TAFA4: variants seen among roughly 807,000 people sequenced by gnomAD.
TAFA4 encodes chemokine-like protein TAFA-4.
Under a neutral mutation model 21.1 loss-of-function variants are expected in TAFA4, and 20 were observed. The ratio of observed to expected loss-of-function variants is 0.95; its 90% CI spans 0.67 to 1.38. The LOEUF is 1.38. TAFA4 is among the 40% of genes most tolerant of loss of function. TAFA4 has a pLI of 0.00. For missense variants in TAFA4, 211 were observed against 180.9 expected (o/e 1.17, Z -0.95); for synonymous variants, 71 against 67.4 (o/e 1.05, Z -0.26).
rs887742632 is a variant in TAFA4 at position 68,836,415 on chromosome 3, G to T, written c.130+44315C>A. Among the ~76,000 whole-genome samples, 16 of 152,230 alleles carry T rather than the reference G, an allele frequency of 1.1e-4. 1 individual carries two copies. Among genetic ancestry groups the T allele is most frequent in the Admixed American group, 3.9e-4 (6 of 15,274 alleles). Reference sequence around the variant, plus strand: ...AATGGTACTTATCAAACAGTTAAGTGAACTGCTGACTATGAAGAAGCCTGT... The same window carrying T: ...AATGGTACTTATCAAACAGTTAAGTTAACTGCTGACTATGAAGAAGCCTGT... On this transcript the variant is annotated intron_variant, in intron 3 of 5. Transcript: ENST00000295569.
At chr3:68,742,644 C>A (rs893714374) in intron 4 of TAFA4, among the ~76,000 whole-genome samples, 19 of 152,130 alleles carry the variant, frequency 1.2e-4, no homozygotes, top group African/African-American at 4.6e-4. Context: ...TTGGTGCACC[C>A]CTCACCTATC....
intron 3 of TAFA4, among the ~76,000 whole-genome samples, chr3:68,819,490 C>T (rs915080951): frequency 1.3e-5 from 2 of 152,028 alleles, no homozygotes; most frequent in Admixed American, 1.3e-4. Context: ...GGGTATTTGT[C>T]ATCTATGGCC....
intron 1 of TAFA4, among the ~76,000 whole-genome samples, chr3:68,897,797 C>T (rs1220572757): frequency 1.3e-5 from 2 of 152,134 alleles, no homozygotes; most frequent in Non-Finnish European, 2.9e-5. Flanking sequence ...TCTTCATTGA[C>T]TCCCCTTTTC....
intron 3 of TAFA4, among the ~76,000 whole-genome samples, chr3:68,823,379 A>G (rs911250891): frequency 1.3e-5 from 2 of 152,194 alleles, no homozygotes; most frequent in African/African-American, 4.8e-5. Flanking sequence ...AGATATGTTG[A>G]AGTGTCATTG....
At chr3:68,926,930 A>T (rs1325329484) in intron 1 of TAFA4, among the ~76,000 whole-genome samples, 5 of 152,068 alleles carry the variant, frequency 3.3e-5, no homozygotes, top group East Asian at 1.9e-4. Flanking sequence ...AATAAATAAA[A>T]AATAATAATT....
chr3:68,857,017 G>C (rs1260057864), intron 3 of TAFA4, among the ~76,000 whole-genome samples: 2 of 152,056 alleles, frequency 1.3e-5, no homozygotes, highest in Non-Finnish European at 2.9e-5. Flanking sequence ...GCAGGGTAGA[G>C]GATTTGACCC....
At chr3:68,878,084 T>C (rs781343191) in intron 3 of TAFA4, among the ~76,000 whole-genome samples, 4 of 152,222 alleles carry the variant, frequency 2.6e-5, no homozygotes, top group Non-Finnish European at 5.9e-5. Flanking sequence ...TTTCCTTTCC[T>C]GCCTCATTTC....
intron 1 of TAFA4, among the ~76,000 whole-genome samples, chr3:68,891,891 T>C (rs1200325387): frequency 6.6e-6 from 1 of 152,224 alleles, no homozygotes; most frequent in Non-Finnish European, 1.5e-5. Context: ...CACAATCACA[T>C]TGAATTGTCT....
intron 3 of TAFA4, among the ~76,000 whole-genome samples, chr3:68,771,959 A>C (rs2106783834): frequency 6.6e-6 from 1 of 152,376 alleles, no homozygotes; most frequent in East Asian, 1.9e-4. Context: ...AAGACTCAAA[A>C]GCAAATTGTA....
intron 4 of TAFA4, among the ~76,000 whole-genome samples, chr3:68,751,738 A>G (rs1444792207): frequency 2.6e-5 from 4 of 152,210 alleles, no homozygotes; most frequent in African/African-American, 9.6e-5. Context: ...ATGAATATTC[A>G]TACATTTCAC....
chr3:68,901,470 T>C (rs1400263928), intron 1 of TAFA4, among the ~76,000 whole-genome samples: 1 of 152,166 alleles, frequency 6.6e-6, no homozygotes, highest in Non-Finnish European at 1.5e-5. Flanking sequence ...CTGGGCTTTA[T>C]ACCCAAGCCT....
At chr3:68,930,345 TA>T (rs2090148003) in intron 1 of TAFA4, among the ~76,000 whole-genome samples, 1 of 152,170 alleles carries the variant, frequency 6.6e-6, no homozygotes, top group Non-Finnish European at 1.5e-5. Flanking sequence ...GTAATACAAT[TA>T]AAGTCATTCA....
chr3:68,780,010 T>G (rs1033537164), intron 3 of TAFA4, among the ~76,000 whole-genome samples: 3 of 152,202 alleles, frequency 2.0e-5, no homozygotes, highest in African/African-American at 7.2e-5. Context: ...GCCCACCTCT[T>G]GCATCAGCAT....
chr3:68,869,452 C>T (rs562201697), intron 3 of TAFA4, among the ~76,000 whole-genome samples: 26 of 151,858 alleles, frequency 1.7e-4, no homozygotes, highest in Non-Finnish European at 2.9e-4. Context: ...CAGATGTAAA[C>T]GTCCTCAACA....
intron 3 of TAFA4, among the ~76,000 whole-genome samples, chr3:68,800,455 A>G (rs529943212): frequency 9.2e-5 from 14 of 152,310 alleles, no homozygotes; most frequent in African/African-American, 3.4e-4. Flanking sequence ...TATAAAACAC[A>G]TTTTCTTACA....
At chr3:68,844,246 G>T (rs1271385771) in intron 3 of TAFA4, among the ~76,000 whole-genome samples, 1 of 152,096 alleles carries the variant, frequency 6.6e-6, no homozygotes, top group Non-Finnish European at 1.5e-5. Context: ...TTAGTCTTGG[G>T]AGGGTGTATG....
intron 3 of TAFA4, 103 bp downstream of exon 3, chr3:68,880,627 A>T (rs909609371): frequency 1.0e-5 from 9 of 891,360 alleles, no homozygotes; most frequent in Admixed American, 1.0e-4. Context: ...TTATTTACAC[A>T]CCATCAGAAG....
At chr3:68,869,883 A>T (rs886333241) in intron 3 of TAFA4, among the ~76,000 whole-genome samples, 1 of 152,158 alleles carries the variant, frequency 6.6e-6, no homozygotes, top group African/African-American at 2.4e-5. Flanking sequence ...AGAAAGAAAT[A>T]AAGGGCATCC....
At chr3:68,796,760 T>C (rs1166419495) in intron 3 of TAFA4, among the ~76,000 whole-genome samples, 1 of 152,068 alleles carries the variant, frequency 6.6e-6, no homozygotes, top group Non-Finnish European at 1.5e-5. Context: ...ATATCCAGAA[T>C]ATATAAAGAA....
Sources: gnomAD v4.1 joint callset for allele counts (sites outside exome capture counted in the v4.1 genomes callset) on GRCh38, gnomAD v4.1.1 for gene constraint, MANE v1.5 for transcripts, NCBI Gene and HGNC (gene_info 2026-07-23, HGNC 2026-07-21) for gene names.